The following CPED1 variants were observed in gnomAD, a reference collection of about 807,000 sequenced individuals.
The protein encoded by CPED1 is cadherin-like and PC-esterase domain-containing protein 1.
A neutral mutation model predicts 128.2 loss-of-function variants in CPED1; 114 were observed. The ratio of observed to expected loss-of-function variants is 0.89; its 90% CI spans 0.76 to 1.04. CPED1 has a LOEUF of 1.04. CPED1 is among the 50% of genes least tolerant of loss of function. CPED1 has a pLI of 0.00. For synonymous variants in CPED1, 462 were observed against 426.7 expected (o/e 1.08, Z -1.02); for missense variants, 1,211 against 1,207.1 (o/e 1.00, Z -0.05).
intron 16 of CPED1, among the ~76,000 whole-genome samples, chr7:121,211,488 ACAGC>A (rs1797639927): frequency 6.7e-6 from 1 of 148,660 alleles, no homozygotes; most frequent in Non-Finnish European, 1.5e-5. Flanking sequence ...ATTCTGAAAC[ACAGC>A]CAGGCCTCTG....
chr7:121,110,796 G>A (rs1015200967), intron 7 of CPED1, among the ~76,000 whole-genome samples: 1 of 152,176 alleles, frequency 6.6e-6, no homozygotes, highest in African/African-American at 2.4e-5. Flanking sequence ...CTGCTGCTTT[G>A]TGGAGAACAG....
At chr7:120,991,809 T>G (rs1028477050) in intron 2 of CPED1, among the ~76,000 whole-genome samples, 2 of 152,198 alleles carry the variant, frequency 1.3e-5, no homozygotes, top group African/African-American at 4.8e-5. Flanking sequence ...TTCACAGTCT[T>G]AAGTATTTTA....
intron 5 of CPED1, among the ~76,000 whole-genome samples, chr7:121,090,743 G>A (rs1261639717): frequency 6.6e-6 from 1 of 152,168 alleles, no homozygotes; most frequent in African/African-American, 2.4e-5. Flanking sequence ...GAGGTAAGGA[G>A]TTCAAGACCA....
intron 5 of CPED1, among the ~76,000 whole-genome samples, chr7:121,093,363 T>A (rs1322848719): frequency 2.0e-5 from 3 of 150,370 alleles, no homozygotes; most frequent in Non-Finnish European, 2.9e-5. Flanking sequence ...ATGCTCTTAT[T>A]TGAAATCAAA....
At chr7:121,084,673 G>A (rs1173032569) in intron 5 of CPED1, among the ~76,000 whole-genome samples, 1 of 152,186 alleles carries the variant, frequency 6.6e-6, no homozygotes, top group Non-Finnish European at 1.5e-5. Flanking sequence ...ATTAAAATGA[G>A]TAAAACTGAG....
At position 121,067,383 on chromosome 7, in the gene CPED1, C is replaced by T. The variant is rs562991800; in HGVS notation, c.616+3070C>T. Among the ~76,000 whole-genome samples, 296 of 151,978 alleles carry T rather than the reference C, an allele frequency of 1.9e-3. 2 individuals carry two copies. Among genetic ancestry groups the T allele is most frequent in the African/African-American group, 6.4e-3 (266 of 41,452 alleles). ...TGTGGTGTTTGTTTTTTTGTCCTTG[C>T]GATAGTTTGCTGAGAATGAAGGTTG... On this transcript the variant is annotated intron_variant, in intron 5 of 22. Coordinates refer to ENST00000310396, the MANE Select transcript of CPED1 (RefSeq NM_024913.5).
chr7:121,022,516 C>G (rs777201834), intron 3 of CPED1, among the ~76,000 whole-genome samples: 1 of 151,842 alleles, frequency 6.6e-6, no homozygotes, highest in Non-Finnish European at 1.5e-5. Flanking sequence ...GGATGAGTTT[C>G]TTTCTATACA....
chr7:121,212,110 AACTG>A, intron 16 of CPED1, among the ~76,000 whole-genome samples: 1 of 152,158 alleles, frequency 6.6e-6, no homozygotes, highest in Non-Finnish European at 1.5e-5. Context: ...GCTTGATGAT[AACTG>A]ACAATATCAG....
At chr7:121,108,499 A>G (rs1174999617) in intron 7 of CPED1, among the ~76,000 whole-genome samples, 1 of 152,144 alleles carries the variant, frequency 6.6e-6, no homozygotes, top group Non-Finnish European at 1.5e-5. Context: ...CATATCATAA[A>G]ATATAATAAT....
At chr7:121,091,026 G>A (rs983253102) in intron 5 of CPED1, among the ~76,000 whole-genome samples, 28 of 152,224 alleles carry the variant, frequency 1.8e-4, no homozygotes, top group African/African-American at 6.5e-4. Context: ...TTAAGCTGAA[G>A]TGTAGGTCTG....
intron 5 of CPED1, among the ~76,000 whole-genome samples, chr7:121,095,767 T>C (rs1262462334): frequency 6.6e-6 from 1 of 152,136 alleles, no homozygotes; most frequent in Non-Finnish European, 1.5e-5. Context: ...ACATGTTTTT[T>C]GACAACTTCC....
chr7:121,019,347 A>T (rs942459146), intron 3 of CPED1, among the ~76,000 whole-genome samples: 1 of 151,986 alleles, frequency 6.6e-6, no homozygotes. Context: ...TGTGGTGGGG[A>T]TTGAATCACT....
chr7:121,119,022 A>G (rs1343972334), intron 7 of CPED1, among the ~76,000 whole-genome samples: 1 of 152,124 alleles, frequency 6.6e-6, no homozygotes, highest in African/African-American at 2.4e-5. Context: ...TCAGAGCTGT[A>G]TTTCCAATAC....
Position 121,245,096 on chromosome 7 carries a change from A to G in CPED1, c.2310+758A>G, listed in dbSNP as rs145420809. Among the ~76,000 whole-genome samples, 188 of 152,324 alleles carry G rather than the reference A, an allele frequency of 1.2e-3. 2 individuals are homozygous for G. Among genetic ancestry groups the G allele is most frequent in the African/African-American group, 4.3e-3 (178 of 41,572 alleles). ...GTTTGTAAGCTCTCACACATGAGCA[A>G]GACTGATTTCAAAAGCTGATTTTCA... is the stretch of plus-strand genomic sequence containing the variant. On this transcript the variant is annotated intron_variant, in intron 18 of 22. Transcript: ENST00000310396.
intron 16 of CPED1, among the ~76,000 whole-genome samples, chr7:121,168,123 C>A (rs1258226627): frequency 6.6e-6 from 1 of 152,172 alleles, no homozygotes; most frequent in Non-Finnish European, 1.5e-5. Flanking sequence ...CAGAGCAGTT[C>A]ATTACTGGCT....
At position 121,042,653 on chromosome 7, in the gene CPED1, G is replaced by A. The variant is rs150901482; in HGVS notation, c.434-4234G>A. ...TCTTCCCACCACTAACTGGAACGGC[G>A]AAGTTGGGCAAGTTATTTAACCTTT... On this transcript the variant is annotated intron_variant, in intron 3 of 22. Transcript: ENST00000310396. Among the ~76,000 whole-genome samples the A allele has an allele frequency of 2.4e-3, 361 of 152,242 alleles. 1 individual carries two copies. Among genetic ancestry groups the A allele is most frequent in the African/African-American group, 8.3e-3 (344 of 41,546 alleles).
At chr7:121,244,475 G>A in intron 18 of CPED1, 137 bp downstream of exon 18, 1 of 839,160 alleles carries the variant, frequency 1.2e-6, no homozygotes, top group East Asian at 2.6e-5. Context: ...ATGGCTTTTT[G>A]AATCATGTAT....
In CPED1 at chr7:121,143,971, G is replaced by C. The variant is rs184735669; in HGVS notation, c.2055+1830G>C. Among the ~76,000 whole-genome samples, 53 of 151,912 alleles carry C rather than the reference G, an allele frequency of 3.5e-4. No homozygotes were observed. In the East Asian group the frequency reaches 0.01, roughly 29 times the overall value. ...GGGGCATTAAAAATAAATGAAGTAT[G>C]GATACACACAAATATGAAACAATCT... is the stretch of plus-strand genomic sequence containing the variant. On this transcript the variant is annotated intron_variant, in intron 16 of 22. Transcript: ENST00000310396.
intron 7 of CPED1, 101 bp downstream of exon 7, chr7:121,100,195 T>C (rs758533071): frequency 4.0e-6 from 4 of 1,002,040 alleles, no homozygotes; most frequent in East Asian, 2.5e-5. Context: ...TCAAATCCCA[T>C]TGAACAAGGA....
Sources: allele counts gnomAD v4.1 joint callset (sites outside exome capture counted in the v4.1 genomes callset), GRCh38; gene constraint gnomAD v4.1.1; transcripts MANE v1.5; gene names NCBI Gene and HGNC (gene_info 2026-07-23, HGNC 2026-07-21).